The following ARHGAP5 variants were observed in gnomAD, a reference collection of about 807,000 sequenced individuals.
ARHGAP5 encodes the protein Rho GTPase activating protein 5, also known as rho GTPase-activating protein 5.
ARHGAP5 carries 23 observed loss-of-function variants against 116.6 expected under a neutral mutation model. That is an observed-to-expected ratio of 0.20 (90% CI 0.14 to 0.28). The LOEUF is 0.28. Ranked by LOEUF, ARHGAP5 falls within the 10% of genes least tolerant of loss-of-function variation. ARHGAP5 has a pLI of 1.00. For synonymous variants in ARHGAP5, 574 were observed against 602.0 expected (o/e 0.95, Z 0.68); for missense variants, 1,405 against 1,774.8 (o/e 0.79, Z 3.74).
chr14:32,098,992 A>G (rs908464781), intron 2 of ARHGAP5, among the ~76,000 whole-genome samples: 2 of 152,224 alleles, frequency 1.3e-5, no homozygotes, highest in Non-Finnish European at 2.9e-5. Flanking sequence ...AGTATATTAC[A>G]GTAATCTAAG....
intron 3 of ARHGAP5, among the ~76,000 whole-genome samples, chr14:32,136,366 C>G (rs1210947739): frequency 2.0e-5 from 3 of 152,176 alleles, no homozygotes; most frequent in Admixed American, 1.3e-4. Flanking sequence ...TCTGAAATCA[C>G]AAAATGTGAC....
chr14:32,096,866 T>G (rs1878550113), intron 2 of ARHGAP5, among the ~76,000 whole-genome samples: 1 of 152,236 alleles, frequency 6.6e-6, no homozygotes, highest in Non-Finnish European at 1.5e-5. Flanking sequence ...TATAGTTCCA[T>G]TTTACTTATG....
chr14:32,085,596 G>A (rs868319385), intron 1 of ARHGAP5, among the ~76,000 whole-genome samples: 5 of 151,286 alleles, frequency 3.3e-5, no homozygotes, highest in Non-Finnish European at 7.4e-5. Context: ...CAAAAAGTTT[G>A]CCTAAGATTG....
intron 2 of ARHGAP5, among the ~76,000 whole-genome samples, chr14:32,094,892 T>G (rs1236971307): frequency 6.6e-6 from 1 of 152,232 alleles, no homozygotes; most frequent in Non-Finnish European, 1.5e-5. Flanking sequence ...ATTGCAGAAT[T>G]CTAAACAAAT....
At chr14:32,154,332 A>G in intron 6 of ARHGAP5, 1 of 276,700 alleles carries the variant, frequency 3.6e-6, no homozygotes, top group Non-Finnish European at 6.9e-6. Context: ...TATTTTTAGT[A>G]GAGATGGGGT....
intron 5 of ARHGAP5, among the ~76,000 whole-genome samples, chr14:32,151,864 A>G (rs958894051): frequency 1.3e-5 from 2 of 152,218 alleles, no homozygotes; most frequent in Non-Finnish European, 2.9e-5. Flanking sequence ...AGCTTTCCTT[A>G]TAAAAAGGCT....
At chr14:32,102,826 CATTTT>C (rs1214547737) in intron 2 of ARHGAP5, among the ~76,000 whole-genome samples, 1 of 152,184 alleles carries the variant, frequency 6.6e-6, no homozygotes, top group Non-Finnish European at 1.5e-5. Flanking sequence ...CAGGAAAACT[CATTTT>C]ATTCAACAAG....
Position 32,093,013 on chromosome 14 carries a change from A to G in ARHGAP5, c.2344A>G (p.Met782Val). 1 of 1,614,084 alleles carries G rather than the reference A, an allele frequency of 6.2e-7. No individual in the cohort carries two copies. ...DLSEADLRIV[M>V]CAMCGDPFSV... ...ATCAGAAGCTGACTTGAGAATTGTC[A>G]TGTGCGCCATGTGTGGAGATCCATT... Residue 782 changes from methionine (M) to valine (V), a missense_variant, in exon 2 of 7, where the codon ATG becomes GTG. By Grantham distance (21) the Met-to-Val change is conservative. Transcript: ENST00000345122.
At chr14:32,080,403 A>G (rs2041760184) in intron 1 of ARHGAP5, among the ~76,000 whole-genome samples, 1 of 151,876 alleles carries the variant, frequency 6.6e-6, no homozygotes, top group Middle Eastern at 3.4e-3. Context: ...AACCCCCTTG[A>G]CATGAGTTTA....
intron 2 of ARHGAP5, among the ~76,000 whole-genome samples, chr14:32,111,037 C>T (rs550861630): frequency 2.6e-5 from 4 of 152,190 alleles, no homozygotes; most frequent in East Asian, 3.9e-4. Flanking sequence ...GAAAGAGCTG[C>T]GCTGGAAGTA....
intron 1 of ARHGAP5, among the ~76,000 whole-genome samples, chr14:32,079,344 C>A (rs1020585711): frequency 6.6e-6 from 1 of 152,106 alleles, no homozygotes; most frequent in African/African-American, 2.4e-5. Context: ...AGAATTGCGG[C>A]AGAATTCTGT....
intron 3 of ARHGAP5, among the ~76,000 whole-genome samples, chr14:32,143,356 C>G (rs1055524707): frequency 2.0e-5 from 3 of 152,102 alleles, no homozygotes; most frequent in Non-Finnish European, 4.4e-5. Flanking sequence ...AATTCTTCTG[C>G]CTCAGCTTCC....
At chr14:32,124,867 G>T (rs1022287415) in intron 3 of ARHGAP5, among the ~76,000 whole-genome samples, 3 of 152,070 alleles carry the variant, frequency 2.0e-5, no homozygotes, top group Non-Finnish European at 4.4e-5. Context: ...AGACATCTAG[G>T]GTGGTAGGAA....
rs1566659416 is a variant in ARHGAP5, at chr14:32,091,156, A to G, written c.487A>G (p.Ile163Val). 1.2e-6 allele frequency: 2 copies of G among 1,613,552 alleles called. No homozygotes were observed. Among genetic ancestry groups the G allele is most frequent in the Admixed American group, 1.7e-5 (1 of 59,980 alleles). ...CAACGTAGATGGATTTTTATTATGC[A>G]TTGATGTAAGTCAAGGATGCAATAG... The part of the protein sequence containing the change: ...KLNVDGFLLC[I>V]DVSQGCNRKF... Residue 163 changes from isoleucine (I) to valine (V), a missense_variant, in exon 2 of 7, where the codon ATT (isoleucine) becomes GTT (valine). By Grantham distance (29) the Ile-to-Val change is conservative. Transcript: ENST00000345122.
intron 1 of ARHGAP5, among the ~76,000 whole-genome samples, chr14:32,080,982 G>C (rs1431554184): frequency 6.6e-6 from 1 of 152,122 alleles, no homozygotes; most frequent in African/African-American, 2.4e-5. Flanking sequence ...ATCATGAAGA[G>C]TTAATGGTAA....
Position 32,091,133 on chromosome 14 carries a change from A to T in ARHGAP5, c.464A>T (p.Asn155Ile), listed in dbSNP as rs748025241. ...AAGCAAATGCCTGAAGGGAAGCTCA[A>T]CGTAGATGGATTTTTATTATGCATT... ...EQKQMPEGKLNVDGFLLCIDV... is the reference protein window; with the variant it reads ...EQKQMPEGKLIVDGFLLCIDV... The change falls in exon 2 of 7, where the codon AAC becomes ATC. Residue 155 changes from asparagine (N) to isoleucine (I), a missense_variant. By Grantham distance (149) the Asn-to-Ile change is moderately radical. This residue lies in a region of ARHGAP5 where 190 missense variants were observed against 314.9 expected (regional missense o/e 0.60). Coordinates refer to ENST00000345122, the MANE Select transcript of ARHGAP5 (RefSeq NM_001030055.2). 8.1e-6 allele frequency: 13 copies of T among 1,613,580 alleles called. No homozygotes were observed. Among genetic ancestry groups the T allele is most frequent in the Non-Finnish European group, 1.1e-5 (13 of 1,179,644 alleles).
chr14:32,120,428 C>A (rs992762695), intron 3 of ARHGAP5, among the ~76,000 whole-genome samples: 3 of 149,460 alleles, frequency 2.0e-5, no homozygotes, highest in Non-Finnish European at 4.5e-5. Flanking sequence ...TTGTTTCTTT[C>A]TTCTTTGGTT....
intron 1 of ARHGAP5, among the ~76,000 whole-genome samples, chr14:32,078,493 C>T (rs1366707467): frequency 6.6e-6 from 1 of 152,096 alleles, no homozygotes; most frequent in Non-Finnish European, 1.5e-5. Context: ...TCTTATCGAT[C>T]ATTTATTTTT....
intron 2 of ARHGAP5, among the ~76,000 whole-genome samples, chr14:32,107,850 A>C (rs1433805740): frequency 6.6e-6 from 1 of 152,240 alleles, no homozygotes; most frequent in South Asian, 2.1e-4. Flanking sequence ...GGATGTATAA[A>C]GGATTTAAAG....
Sources: gnomAD v4.1 joint callset for allele counts (sites outside exome capture counted in the v4.1 genomes callset) on GRCh38, gnomAD v4.1.1 for gene constraint, gnomAD v4.1.1 regional missense constraint, MANE v1.5 for transcripts, NCBI Gene and HGNC (gene_info 2026-07-23, HGNC 2026-07-21) for gene names.